SHANK2: variants seen among roughly 807,000 people sequenced by gnomAD.
SHANK2 encodes SH3 and multiple ankyrin repeat domains protein 2.
SHANK2 carries 43 observed loss-of-function variants against 133.7 expected under a neutral mutation model. The ratio of observed to expected loss-of-function variants is 0.32; its 90% CI spans 0.25 to 0.41. SHANK2 has a LOEUF of 0.41. Ranked by LOEUF, SHANK2 falls within the 10% of genes least tolerant of loss-of-function variation. The pLI is 1.00. For synonymous variants in SHANK2, 1,017 were observed against 952.8 expected, an observed-to-expected ratio of 1.07 and a Z score of -1.24; for missense variants, 1,994 against 2,235.8, an observed-to-expected ratio of 0.89 and a Z score of 2.18.
Position 70,782,593 on chromosome 11 carries a change from G to T in SHANK2, c.1777+15850C>A, listed in dbSNP as rs368048196. Among the ~76,000 whole-genome samples the T allele has an allele frequency of 3.5e-4, 53 of 152,332 alleles. 1 individual carries two copies. Among genetic ancestry groups the T allele is most frequent in the African/African-American group, 1.2e-3 (51 of 41,570 alleles). On this transcript the variant is annotated intron_variant, in intron 14 of 25. Transcript: ENST00000601538. ...CCCCCAGAAAAAAAAGGCAAACCAC[G>T]CTGTGGGAGCAGTCATCCGCACACC...
intron 2 of SHANK2, among the ~76,000 whole-genome samples, chr11:71,152,279 A>G (rs1283356750): frequency 6.6e-6 from 1 of 151,926 alleles, no homozygotes; most frequent in Admixed American, 6.6e-5. Context: ...TGCCTTGCGA[A>G]TTTTTTGTAT....
intron 2 of SHANK2, among the ~76,000 whole-genome samples, chr11:71,213,260 G>A (rs565794425): frequency 3.9e-5 from 6 of 152,260 alleles, no homozygotes; most frequent in South Asian, 4.1e-4. Context: ...TTTCCCACAC[G>A]GCCAGCAGCC....
At chr11:70,665,989 C>T (rs577036635) in intron 15 of SHANK2, among the ~76,000 whole-genome samples, 18 of 152,270 alleles carry the variant, frequency 1.2e-4, no homozygotes, top group East Asian at 5.8e-4. Context: ...CACAGCACCC[C>T]GCATAGGCCA....
rs2095340459 is a variant in SHANK2 at position 70,502,281 on chromosome 11, G to C, written c.2203C>G (p.Pro735Ala). ...GTGGTCGGTGCCCGCTTTGGAGGCGGGGGAGCTGGAGGGCAGAGGAGAGAT... is the reference window on the plus strand; with the variant it reads ...GTGGTCGGTGCCCGCTTTGGAGGCGCGGGAGCTGGAGGGCAGAGGAGAGAT... ...PDDTARKKAP[P>A]PPKRAPTTAL... The change falls in exon 19 of 26, where the codon CCG becomes GCG. Residue 735 changes from proline to alanine, a missense_variant. By Grantham distance (27) the Pro-to-Ala change is conservative. Coordinates refer to ENST00000601538, the MANE Select transcript of SHANK2 (RefSeq NM_012309.5). 6.4e-7 allele frequency: 1 copy of C among 1,555,218 alleles called. No homozygotes were observed. Among genetic ancestry groups the C allele is most frequent in the South Asian group, 1.2e-5 (1 of 84,564 alleles).
chr11:70,798,343 C>T lies in SHANK2; in HGVS notation c.1777+100G>A, dbSNP rs532868839. The T allele has an allele frequency of 1.7e-4, 118 of 695,750 alleles. No individual in the cohort carries two copies. In the African/African-American group the frequency reaches 2.0e-3, roughly 12 times the overall value. The allele number at this position is 695,750 out of a possible 1,614,324, so 43.1% of individuals were successfully genotyped here. ...CCTGAATTCGCAACTCAGCCTCCCTCTACGACGCAACGGCCGAATCTTGCC... is the reference window on the plus strand; with the variant it reads ...CCTGAATTCGCAACTCAGCCTCCCTTTACGACGCAACGGCCGAATCTTGCC... On this transcript the variant is annotated intron_variant, in intron 14 of 25. Transcript: ENST00000601538.
intron 15 of SHANK2, 168 bp from the exon 16 acceptor site, chr11:70,661,846 G>A (rs1477205710): frequency 5.7e-6 from 9 of 1,591,618 alleles, no homozygotes; most frequent in Admixed American, 1.7e-5. Context: ...AGGAGCGAAG[G>A]AAGAGGGGGG....
At position 70,485,834 on chromosome 11, in the gene SHANK2, C is replaced by T. The variant is rs546725564; in HGVS notation, c.4459G>A (p.Ala1487Thr). ...LPPPESFDAVADSGIEEVDSR... is the reference protein window; with the variant it reads ...LPPPESFDAVTDSGIEEVDSR... Reference sequence around the variant, plus strand: ...TCCACCTCCTCGATCCCAGAGTCGGCGACGGCGTCAAAGCTTTCAGGGGGT... The same window carrying T: ...TCCACCTCCTCGATCCCAGAGTCGGTGACGGCGTCAAAGCTTTCAGGGGGT... The change falls in exon 25 of 26, where the codon GCC becomes ACC. Residue 1487 changes from alanine (A) to threonine (T), a missense_variant. By Grantham distance (58) the Ala-to-Thr change is moderately conservative (BLOSUM62 0). This residue lies in a region of SHANK2 where 797 missense variants were observed against 907.4 expected (regional missense o/e 0.88). Transcript: ENST00000601538. This position sits in a 1 kb window ranked among gnomAD's most constrained non-coding sequence, Gnocchi z 5.8. 9.3e-6 allele frequency: 15 copies of T among 1,613,930 alleles called. No individual in the cohort carries two copies. The highest frequency in any genetic ancestry group is 5.0e-5 in the Admixed American group (3 of 60,018).
chr11:71,120,658 G>C (rs1952066703), intron 3 of SHANK2, among the ~76,000 whole-genome samples: 1 of 152,166 alleles, frequency 6.6e-6, no homozygotes, highest in Non-Finnish European at 1.5e-5. Context: ...GCTGGGTGGG[G>C]GCAGTTGTTT....
chr11:70,489,130 C>A, intron 24 of SHANK2, 198 bp downstream of exon 24: 1 of 597,802 alleles, frequency 1.7e-6, no homozygotes, highest in South Asian at 2.0e-5. Context: ...AAGGGTATTC[C>A]AAATTTAACA....
At chr11:70,846,735 C>T (rs1555063564) in intron 11 of SHANK2, among the ~76,000 whole-genome samples, 1 of 152,210 alleles carries the variant, frequency 6.6e-6, no homozygotes, top group African/African-American at 2.4e-5. Flanking sequence ...CCCGGCCACA[C>T]AGCTGGGAAG....
chr11:71,191,386 C>G (rs1241147423), intron 2 of SHANK2, among the ~76,000 whole-genome samples: 3 of 152,028 alleles, frequency 2.0e-5, no homozygotes, highest in African/African-American at 7.2e-5. Context: ...TCTCACATCC[C>G]AGAGGCTGGA....
chr11:70,900,496 C>T (rs1950007851), intron 10 of SHANK2, among the ~76,000 whole-genome samples: 2 of 152,286 alleles, frequency 1.3e-5, no homozygotes, highest in African/African-American at 4.8e-5. Flanking sequence ...AAGTGCACAC[C>T]CACATCTGCA....
At position 70,717,878 on chromosome 11, in the gene SHANK2, TGAA is replaced by T. The variant is rs1175581531; in HGVS notation, c.1778-19118_1778-19116del. On this transcript the variant is annotated intron_variant, in intron 14 of 25. Coordinates refer to ENST00000601538, the MANE Select transcript of SHANK2 (RefSeq NM_012309.5). ...AGAAGAAAAGAAAAAAAAAATCAGATGAAGAAGAAAGATGGCTCCGGGAATGTT... is the reference window on the plus strand; with the variant it reads ...AGAAGAAAAGAAAAAAAAAATCAGATGAAGAAAGATGGCTCCGGGAATGTT... Among the ~76,000 whole-genome samples the T allele has an allele frequency of 2.3e-4, 35 of 151,490 alleles. 1 individual carries two copies. Among genetic ancestry groups the T allele is most frequent in the African/African-American group, 7.0e-4 (29 of 41,302 alleles).
chr11:70,706,955 G>C (rs1234044300), intron 14 of SHANK2, among the ~76,000 whole-genome samples: 1 of 152,082 alleles, frequency 6.6e-6, no homozygotes, highest in Non-Finnish European at 1.5e-5. Flanking sequence ...CTGATCCTGC[G>C]CTCTGACTGT....
At chr11:70,591,723 T>C (rs1213127160) in intron 17 of SHANK2, among the ~76,000 whole-genome samples, 1 of 152,112 alleles carries the variant, frequency 6.6e-6, no homozygotes, top group Non-Finnish European at 1.5e-5. Flanking sequence ...TTTTTTAAAA[T>C]GCAGAGATGT....
At chr11:70,894,181 T>TTTTTG (rs1262570165) in intron 11 of SHANK2, among the ~76,000 whole-genome samples, 2 of 151,898 alleles carry the variant, frequency 1.3e-5, no homozygotes, top group Admixed American at 6.6e-5. Flanking sequence ...GTCAGCCTGG[T>TTTTTG]TTTTGTTTTG....
At chr11:70,671,556 T>C (rs956914542) in intron 15 of SHANK2, among the ~76,000 whole-genome samples, 4 of 152,252 alleles carry the variant, frequency 2.6e-5, no homozygotes, top group African/African-American at 9.6e-5. Flanking sequence ...TGCTTCATTC[T>C]GGAGACCTTA....
At chr11:70,630,478 C>T (rs1361396994) in intron 17 of SHANK2, among the ~76,000 whole-genome samples, 1 of 152,170 alleles carries the variant, frequency 6.6e-6, no homozygotes, top group Non-Finnish European at 1.5e-5. Flanking sequence ...GAATTTTGTC[C>T]CCCTAAAATC....
chr11:71,238,275 G>T (rs531266421), intron 1 of SHANK2, among the ~76,000 whole-genome samples: 3 of 152,350 alleles, frequency 2.0e-5, no homozygotes, highest in Admixed American at 2.0e-4. Flanking sequence ...TGACAAGACA[G>T]GCACTTTATA....
Sources: gnomAD v4.1 joint callset for allele counts (sites outside exome capture counted in the v4.1 genomes callset) on GRCh38, gnomAD v4.1.1 for gene constraint, gnomAD v4.1.1 regional missense constraint, Gnocchi (gnomAD v3.1) non-coding constraint, MANE v1.5 for transcripts, NCBI Gene and HGNC (gene_info 2026-07-23, HGNC 2026-07-21) for gene names.